EIF4E1B: variants seen among roughly 807,000 people sequenced by gnomAD.
The protein encoded by EIF4E1B is eukaryotic translation initiation factor 4E family member 1B.
EIF4E1B carries 22 observed loss-of-function variants against 31.3 expected under a neutral mutation model. That is an observed-to-expected ratio of 0.70 (90% CI 0.50 to 1.00). The LOEUF is 1.00. EIF4E1B is among the 50% of genes least tolerant of loss of function. The pLI, the probability that EIF4E1B is intolerant of heterozygous loss-of-function variation, is 0.00. For synonymous variants in EIF4E1B, 126 were observed against 120.2 expected (o/e 1.05, Z -0.31); for missense variants, 290 against 311.6 (o/e 0.93, Z 0.52).
rs563718615 is a variant in EIF4E1B, at chr5:176,638,991, C to T, written c.-201-3052C>T. ...GTTTGTTTTATTTTTAGTAGAGACA[C>T]GGTTTTACCATGTTGGCCAGGCTAC... is the stretch of plus-strand genomic sequence containing the variant. On this transcript the variant is annotated intron_variant, in intron 1 of 8. Transcript: ENST00000318682. The surrounding 1 kb of genome is among the most constrained non-coding windows in gnomAD (Gnocchi z 4.3). Among the ~76,000 whole-genome samples, 207 of 152,216 alleles carry T rather than the reference C, an allele frequency of 1.4e-3. No individual in the cohort carries two copies. The highest frequency in any genetic ancestry group is 2.4e-3 in the Non-Finnish European group (163 of 68,026).
At chr5:176,641,239 G>A (rs1229893247) in intron 1 of EIF4E1B, among the ~76,000 whole-genome samples, 1 of 152,120 alleles carries the variant, frequency 6.6e-6, no homozygotes, top group Non-Finnish European at 1.5e-5. Context: ...TGAGGTGGGG[G>A]AATCACCTGA....
chr5:176,642,925 G>A, intron 3 of EIF4E1B, 123 bp downstream of exon 3: 2 of 1,439,492 alleles, frequency 1.4e-6, no homozygotes, highest in South Asian at 1.3e-5. Flanking sequence ...GGGCTTTTCA[G>A]ATGCTGGGTC....
intron 1 of EIF4E1B, among the ~76,000 whole-genome samples, chr5:176,636,702 A>T (rs1245700459): frequency 6.6e-6 from 1 of 152,218 alleles, no homozygotes; most frequent in East Asian, 1.9e-4. Flanking sequence ...ACATTTACTG[A>T]ACATCTGCAA....
chr5:176,645,104 C>G lies in EIF4E1B; in HGVS notation c.361-26C>G. On this transcript the variant is annotated intron_variant, in intron 6 of 8. Coordinates refer to ENST00000318682, the MANE Select transcript of EIF4E1B (RefSeq NM_001099408.2). The surrounding 1 kb of genome is among the most constrained non-coding windows in gnomAD (Gnocchi z 5.4). ...CCATTTCCCTTTGAACACAGGGAGGCAGTTGACTTGCCATCTGCCTTGCAG... is the reference window on the plus strand; with the variant it reads ...CCATTTCCCTTTGAACACAGGGAGGGAGTTGACTTGCCATCTGCCTTGCAG... 6.5e-7 allele frequency: 1 copy of G among 1,541,364 alleles called. No homozygotes were observed. Among genetic ancestry groups the G allele is most frequent in the Non-Finnish European group, 8.8e-7 (1 of 1,138,882 alleles).
intron 5 of EIF4E1B, 138 bp from the exon 6 acceptor site, chr5:176,644,238 G>A: frequency 1.2e-6 from 1 of 836,148 alleles, no homozygotes; most frequent in Non-Finnish European, 1.9e-6. Flanking sequence ...AACGGGAGTG[G>A]AATCCCAGGT....
chr5:176,639,805 T>G (rs905935600), intron 1 of EIF4E1B, among the ~76,000 whole-genome samples: 2 of 152,054 alleles, frequency 1.3e-5, no homozygotes, highest in Admixed American at 6.6e-5. Context: ...TGTGCACCTG[T>G]AGTCCCAGTT....
intron 1 of EIF4E1B, among the ~76,000 whole-genome samples, chr5:176,632,027 C>A (rs1465493944): frequency 6.6e-6 from 1 of 152,002 alleles, no homozygotes; most frequent in African/African-American, 2.4e-5. Flanking sequence ...GGGAGTGTGC[C>A]AAGATGTGGT....
chr5:176,644,871 A>C (rs1760662864), intron 6 of EIF4E1B, among the ~76,000 whole-genome samples: 1 of 151,402 alleles, frequency 6.6e-6, no homozygotes. Context: ...TCCTTAATCC[A>C]CCCCGATTTG....
intron 5 of EIF4E1B, chr5:176,644,142 CA>C: frequency 1.7e-6 from 1 of 579,960 alleles, no homozygotes; most frequent in Non-Finnish European, 3.1e-6. Context: ...GGGGGAGCAC[CA>C]GGGGGTCTAA....
At chr5:176,644,226 T>A in intron 5 of EIF4E1B, 150 bp from the exon 6 acceptor site, 1 of 770,360 alleles carries the variant, frequency 1.3e-6, no homozygotes, top group Non-Finnish European at 2.1e-6. Context: ...AGAGTTTGGA[T>A]AAACGGGAGT....
Position 176,638,508 on chromosome 5 carries a change from G to C in EIF4E1B, c.-201-3535G>C, listed in dbSNP as rs1760530226. Among the ~76,000 whole-genome samples the C allele has an allele frequency of 1.3e-5, 2 of 152,350 alleles. No individual in the cohort carries two copies. Among genetic ancestry groups the C allele is most frequent in the South Asian group, 2.1e-4 (1 of 4,828 alleles). ...CAGAGTGATGAGTTAGAGGGCATGG[G>C]GGAGAGTGTTCTTCTGTAGATAGGG... is the stretch of plus-strand genomic sequence containing the variant. On this transcript the variant is annotated intron_variant, in intron 1 of 8. Transcript: ENST00000318682. This position sits in a 1 kb window ranked among gnomAD's most constrained non-coding sequence, Gnocchi z 4.3.
In EIF4E1B at chr5:176,646,430, A is replaced by T. The variant is rs1209131000; in HGVS notation, c.*450A>T. The T allele has an allele frequency of 6.3e-6, 1 of 159,132 alleles. No individual in the cohort carries two copies. Among genetic ancestry groups the T allele is most frequent in the African/African-American group, 2.4e-5 (1 of 41,690 alleles). The allele number at this position is 159,132 out of a possible 1,614,324, so 9.9% of individuals were successfully genotyped here. ...CAGAGGGATACGTGGGTTGCTGAGG[A>T]CTGAGAGAGCCTTGCAAGGCCGCTC... On this transcript the variant is annotated 3_prime_UTR_variant, in exon 9 of 9. Coordinates refer to ENST00000318682, the MANE Select transcript of EIF4E1B (RefSeq NM_001099408.2).
chr5:176,643,057 A>T (rs1760616445), intron 3 of EIF4E1B, 25 bp from the exon 4 acceptor site: 2 of 1,589,510 alleles, frequency 1.3e-6, no homozygotes, highest in Non-Finnish European at 1.7e-6. Flanking sequence ...CTCACAACCC[A>T]TCCTGACTCC....
chr5:176,637,632 T>C (rs991807512), intron 1 of EIF4E1B, among the ~76,000 whole-genome samples: 1 of 150,408 alleles, frequency 6.6e-6, no homozygotes, highest in Non-Finnish European at 1.5e-5. Context: ...CTGAGAGAGG[T>C]TAGGAAGTGA....
At chr5:176,635,740 A>G (rs894398992) in intron 1 of EIF4E1B, among the ~76,000 whole-genome samples, 2 of 152,242 alleles carry the variant, frequency 1.3e-5, no homozygotes, top group Non-Finnish European at 2.9e-5. Flanking sequence ...AGCTCCTGCC[A>G]TCATGTTGAT....
chr5:176,644,699 G>A, intron 6 of EIF4E1B: 1 of 530,086 alleles, frequency 1.9e-6, no homozygotes, highest in Admixed American at 3.6e-5. Context: ...AACTAGGGAA[G>A]GGCATCAGAA....
chr5:176,633,796 C>CT lies in EIF4E1B; in HGVS notation c.-202+2732_-202+2733insT, dbSNP rs553398957. Among the ~76,000 whole-genome samples, 6 of 152,250 alleles carry CT rather than the reference C, an allele frequency of 3.9e-5. No individual in the cohort carries two copies. The South Asian group carries it at 1.2e-3, about 32-fold the overall frequency. On this transcript the variant is annotated intron_variant, in intron 1 of 8. Transcript: ENST00000318682. ...AATGAAGCGTGTCTGAACTTCAGAT[C>CT]ACAGGAAACAAGAAGTCACTGAAGG...
Position 176,645,771 on chromosome 5 carries a change from C to G in EIF4E1B, c.615-95C>G. On this transcript the variant is annotated intron_variant, in intron 8 of 8. Transcript: ENST00000318682. This position sits in a 1 kb window ranked among gnomAD's most constrained non-coding sequence, Gnocchi z 5.4. ...AAGACACAACAGGTGTGGCTGTGGC[C>G]AGAATGAGGGTAGGAGTCTGGTGGC... The G allele has an allele frequency of 8.2e-7, 1 of 1,214,268 alleles. No individual in the cohort carries two copies. The highest frequency in any genetic ancestry group is 1.1e-6 in the Non-Finnish European group (1 of 881,702). 75.2% of individuals were successfully genotyped at this position (1,214,268 alleles called of 1,614,324 possible).
Position 176,645,373 on chromosome 5 carries a change from C to T in EIF4E1B, c.475-4C>T. The T allele has an allele frequency of 1.3e-6, 2 of 1,533,564 alleles. No individual in the cohort carries two copies. The highest frequency in any genetic ancestry group is 2.6e-5 in the South Asian group (2 of 78,428). The allele number at this position is 1,533,564 out of a possible 1,614,324, so 95.0% of individuals were successfully genotyped here. On this transcript the variant is annotated splice_polypyrimidine_tract_variant and splice_region_variant and intron_variant, in intron 7 of 8. Coordinates refer to ENST00000318682, the MANE Select transcript of EIF4E1B (RefSeq NM_001099408.2). The surrounding 1 kb of genome is among the most constrained non-coding windows in gnomAD (Gnocchi z 5.4). ...GATCTCACAACCCCCTACTTCGGGT[C>T]CAGCTGCTGTGTCTGATCGGGGAGA...
Sources: gnomAD v4.1 joint callset for allele counts (sites outside exome capture counted in the v4.1 genomes callset) on GRCh38, gnomAD v4.1.1 for gene constraint, Gnocchi (gnomAD v3.1) non-coding constraint, MANE v1.5 for transcripts, NCBI Gene and HGNC (gene_info 2026-07-23, HGNC 2026-07-21) for gene names.